The following PPFIA2 variants were observed in gnomAD, a reference collection of about 807,000 sequenced individuals.
PPFIA2 encodes PPFI scaffold protein A2.
Under a neutral mutation model 175.5 loss-of-function variants are expected in PPFIA2, and 46 were observed. That is an observed-to-expected ratio of 0.26 (90% CI 0.21 to 0.34). The LOEUF is 0.34. Ranked by LOEUF, PPFIA2 falls within the 10% of genes least tolerant of loss-of-function variation. PPFIA2 has a pLI of 1.00. For synonymous variants in PPFIA2, 568 were observed against 511.4 expected, an observed-to-expected ratio of 1.11 and a Z score of -1.49; for missense variants, 1,179 against 1,506.1, an observed-to-expected ratio of 0.78 and a Z score of 3.60.
At chr12:81,406,735 T>C (rs993862577) in intron 7 of PPFIA2, among the ~76,000 whole-genome samples, 1 of 152,166 alleles carries the variant, frequency 6.6e-6, no homozygotes, top group African/African-American at 2.4e-5. Flanking sequence ...ATTTATTCCA[T>C]GGCATATTTT....
At chr12:81,648,445 C>G (rs1341303771) in intron 4 of PPFIA2, among the ~76,000 whole-genome samples, 1 of 151,560 alleles carries the variant, frequency 6.6e-6, no homozygotes, top group Non-Finnish European at 1.5e-5. Flanking sequence ...ACACTATCAA[C>G]AAAAAATGGA....
intron 7 of PPFIA2, among the ~76,000 whole-genome samples, chr12:81,432,395 C>A (rs1166383369): frequency 1.3e-5 from 2 of 152,012 alleles, no homozygotes; most frequent in Admixed American, 6.6e-5. Context: ...TGCCACCACA[C>A]CCAGCTTACA....
rs1358678848 is a variant in PPFIA2 at position 81,368,862 on chromosome 12, A to G, written c.1351-6T>C. The G allele has an allele frequency of 1.3e-6, 2 of 1,598,172 alleles. No individual in the cohort carries two copies. Among genetic ancestry groups the G allele is most frequent in the African/African-American group, 1.4e-5 (1 of 73,890 alleles). On this transcript the variant is annotated splice_polypyrimidine_tract_variant and splice_region_variant and intron_variant, in intron 12 of 32. Coordinates refer to ENST00000549396, the MANE Select transcript of PPFIA2 (RefSeq NM_003625.5). ...ATTTTCTCTCTTTGCCTAGCCTTAC[A>G]TTTTAAAAAATGACATAAAAATCCA...
chr12:81,274,925 G>T (rs1238209501), intron 28 of PPFIA2, among the ~76,000 whole-genome samples: 2 of 152,048 alleles, frequency 1.3e-5, no homozygotes, highest in Non-Finnish European at 2.9e-5. Flanking sequence ...ATCAGCAATT[G>T]CCAGATACTA....
At chr12:81,669,227 T>A (rs1255938992) in intron 4 of PPFIA2, among the ~76,000 whole-genome samples, 2 of 152,024 alleles carry the variant, frequency 1.3e-5, no homozygotes, top group African/African-American at 2.4e-5. Flanking sequence ...CATTTGCTAT[T>A]GTCATTTTTA....
intron 4 of PPFIA2, among the ~76,000 whole-genome samples, chr12:81,493,164 G>C (rs2059600400): frequency 6.6e-6 from 1 of 152,084 alleles, no homozygotes; most frequent in Non-Finnish European, 1.5e-5. Flanking sequence ...ATGTCAATTA[G>C]ACAACTAAGT....
chr12:81,729,169 A>G (rs1473166699), intron 3 of PPFIA2, among the ~76,000 whole-genome samples: 1 of 151,506 alleles, frequency 6.6e-6, no homozygotes, highest in Non-Finnish European at 1.5e-5. Context: ...CTGTTTTTTT[A>G]TAGGGTCCAA....
chr12:81,636,604 A>T (rs1323940068), intron 4 of PPFIA2, among the ~76,000 whole-genome samples: 2 of 150,688 alleles, frequency 1.3e-5, no homozygotes, highest in Non-Finnish European at 2.9e-5. Flanking sequence ...AAAGGAAAAG[A>T]GACAGCTCAC....
chr12:81,725,393 A>T (rs2079932551), intron 3 of PPFIA2, among the ~76,000 whole-genome samples: 2 of 150,928 alleles, frequency 1.3e-5, no homozygotes, highest in South Asian at 4.1e-4. Context: ...TAAATTTAGA[A>T]AAGAAACAAA....
At chr12:81,386,228 T>A (rs555218416) in intron 8 of PPFIA2, among the ~76,000 whole-genome samples, 109 of 151,552 alleles carry the variant, frequency 7.2e-4, no homozygotes, top group African/African-American at 2.6e-3. Context: ...TAGTGAGCCA[T>A]GATCATGCCA....
intron 3 of PPFIA2, among the ~76,000 whole-genome samples, chr12:81,721,525 T>C (rs967070129): frequency 1.3e-5 from 2 of 150,976 alleles, no homozygotes; most frequent in African/African-American, 4.8e-5. Flanking sequence ...CTACAACTTC[T>C]CCCAGTGATT....
intron 22 of PPFIA2, among the ~76,000 whole-genome samples, chr12:81,324,415 C>A (rs1249394288): frequency 6.6e-6 from 1 of 151,944 alleles, no homozygotes; most frequent in Non-Finnish European, 1.5e-5. Context: ...GTTCAGATTG[C>A]CATTCTTTGT....
chr12:81,358,969 C>T (rs1185971818), intron 15 of PPFIA2, among the ~76,000 whole-genome samples: 1 of 151,986 alleles, frequency 6.6e-6, no homozygotes, highest in Non-Finnish European at 1.5e-5. Flanking sequence ...TTTCAATAAA[C>T]ATGGTAATAA....
chr12:81,448,261 T>C (rs558761678), intron 5 of PPFIA2, among the ~76,000 whole-genome samples: 7 of 152,290 alleles, frequency 4.6e-5, no homozygotes, highest in African/African-American at 1.7e-4. Flanking sequence ...TCATTGTCTC[T>C]TTACCCAGCT....
At chr12:81,750,678 A>G (rs1217478819) in intron 3 of PPFIA2, among the ~76,000 whole-genome samples, 1 of 152,180 alleles carries the variant, frequency 6.6e-6, no homozygotes, top group Non-Finnish European at 1.5e-5. Context: ...ATAATGAAAA[A>G]CTAAACAATA....
intron 4 of PPFIA2, chr12:81,512,334 C>A (rs1466171940): frequency 7.8e-7 from 1 of 1,288,750 alleles, no homozygotes; most frequent in South Asian, 1.2e-5. Flanking sequence ...CCACTGCTAT[C>A]TCTTATGTAC....
rs557191712 is a variant in PPFIA2 at position 81,670,866 on chromosome 12, C to T, written c.303+5925G>A. 2.0e-5 allele frequency among the ~76,000 whole-genome samples: 3 copies of T among 151,988 alleles called. No homozygotes were observed. In the Admixed American group the frequency reaches 2.0e-4, roughly 10 times the overall value. On this transcript the variant is annotated intron_variant, in intron 4 of 32. Transcript: ENST00000549396. ...ATTTCTGGTATCCCATCCTTGGACC[C>T]ATCTCTGTTTTGTCTTTTTTGAGGC...
chr12:81,458,093 G>A (rs538009010), intron 4 of PPFIA2, among the ~76,000 whole-genome samples: 269 of 152,194 alleles, frequency 1.8e-3, no homozygotes, highest in African/African-American at 6.2e-3. Context: ...GGTGTATAAA[G>A]TATATTTCAA....
intron 29 of PPFIA2, 67 bp from the exon 30 acceptor site, chr12:81,267,087 T>C: frequency 8.6e-7 from 1 of 1,161,992 alleles, no homozygotes; most frequent in South Asian, 1.3e-5. Flanking sequence ...AAGTAGCTTA[T>C]ATTTATCTGA....
Sources: gnomAD v4.1 joint callset for allele counts (sites outside exome capture counted in the v4.1 genomes callset) on GRCh38, gnomAD v4.1.1 for gene constraint, MANE v1.5 for transcripts, NCBI Gene and HGNC (gene_info 2026-07-23, HGNC 2026-07-21) for gene names.